CDH4: variants seen among roughly 807,000 people sequenced by gnomAD.
The protein encoded by CDH4 is cadherin-4.
A neutral mutation model predicts 86.0 loss-of-function variants in CDH4; 33 were observed. The ratio of observed to expected loss-of-function variants is 0.38; its 90% CI spans 0.29 to 0.51. The LOEUF is 0.51. Ranked by LOEUF, CDH4 falls within the 20% of genes least tolerant of loss-of-function variation. CDH4 has a pLI of 0.86. For synonymous variants in CDH4, 555 were observed against 549.4 expected, an observed-to-expected ratio of 1.01 and a Z score of -0.14; for missense variants, 1,114 against 1,307.4, an observed-to-expected ratio of 0.85 and a Z score of 2.28.
intron 4 of CDH4, among the ~76,000 whole-genome samples, chr20:61,814,414 C>T (rs1980608794): frequency 6.6e-6 from 1 of 152,214 alleles, no homozygotes; most frequent in Non-Finnish European, 1.5e-5. Context: ...TGCCCAGGAG[C>T]TTGGCAGCAT....
chr20:61,636,076 C>A (rs962085790), intron 2 of CDH4, among the ~76,000 whole-genome samples: 3 of 152,222 alleles, frequency 2.0e-5, no homozygotes, highest in Admixed American at 6.5e-5. Context: ...GCTCCACACG[C>A]GTGGGGGTCC....
intron 2 of CDH4, among the ~76,000 whole-genome samples, chr20:61,410,439 GTCCATCCA>G (rs201597174): frequency 1.5e-4 from 12 of 79,700 alleles, no homozygotes; most frequent in African/African-American, 3.1e-4. Context: ...CCTCCCACTG[GTCCATCCA>G]TCCATCCATC....
At chr20:61,762,357 G>C (rs2088644369) in intron 3 of CDH4, among the ~76,000 whole-genome samples, 1 of 152,212 alleles carries the variant, frequency 6.6e-6, no homozygotes, top group African/African-American at 2.4e-5. Context: ...CTCTCATGAT[G>C]ATTAACTTTC....
intron 2 of CDH4, among the ~76,000 whole-genome samples, chr20:61,724,880 G>C (rs1568779438): frequency 1.3e-5 from 2 of 152,188 alleles, no homozygotes; most frequent in Non-Finnish European, 2.9e-5. Flanking sequence ...GGAAGCTGAG[G>C]CAGGAGGATC....
chr20:61,313,486 C>T (rs938318954), intron 2 of CDH4, among the ~76,000 whole-genome samples: 3 of 152,302 alleles, frequency 2.0e-5, no homozygotes, highest in Admixed American at 2.0e-4. Context: ...TAAACAAACC[C>T]TGTCGGGAAG....
chr20:61,595,051 C>T (rs1019022907), intron 2 of CDH4, among the ~76,000 whole-genome samples: 3 of 152,238 alleles, frequency 2.0e-5, no homozygotes, highest in African/African-American at 4.8e-5. Context: ...GTCATTAGCT[C>T]GTGTTGCACA....
At chr20:61,653,333 C>T (rs2087145327) in intron 2 of CDH4, among the ~76,000 whole-genome samples, 1 of 136,950 alleles carries the variant, frequency 7.3e-6, no homozygotes, top group East Asian at 2.0e-4. Flanking sequence ...CCCATGTCTA[C>T]CTCTTTCTAC....
At chr20:61,256,442 A>G (rs2084098343) in intron 2 of CDH4, among the ~76,000 whole-genome samples, 1 of 152,228 alleles carries the variant, frequency 6.6e-6, no homozygotes, top group African/African-American at 2.4e-5. Context: ...TCTACAACGC[A>G]GCGTGAGATT....
chr20:61,628,306 C>T (rs148062345), intron 2 of CDH4, among the ~76,000 whole-genome samples: 2,643 of 152,120 alleles, frequency 0.017, 31 homozygotes, highest in Non-Finnish European at 0.027. Flanking sequence ...GCCGCCCCCA[C>T]CCCTCTGCAC....
At chr20:61,692,787 A>C (rs1365679019) in intron 2 of CDH4, among the ~76,000 whole-genome samples, 1 of 151,674 alleles carries the variant, frequency 6.6e-6, no homozygotes, top group Admixed American at 6.6e-5. Flanking sequence ...TTTAGATTCT[A>C]TTTTAATACT....
At chr20:61,883,905 G>C (rs1337139592) in intron 7 of CDH4, among the ~76,000 whole-genome samples, 1 of 152,200 alleles carries the variant, frequency 6.6e-6, no homozygotes, top group Non-Finnish European at 1.5e-5. Context: ...CAGACAGAGA[G>C]AGGGGGAAGC....
chr20:61,798,321 G>A (rs13433372), intron 4 of CDH4, among the ~76,000 whole-genome samples: 2,644 of 152,272 alleles, frequency 0.017, 34 homozygotes, highest in South Asian at 0.024. Context: ...GCCCCTCGCT[G>A]CGCCTCAGCC....
chr20:61,714,257 A>G (rs1229534819), intron 2 of CDH4, among the ~76,000 whole-genome samples: 5 of 151,976 alleles, frequency 3.3e-5, no homozygotes, highest in Non-Finnish European at 1.5e-5. Flanking sequence ...TGTGTTAGCC[A>G]GGATGGTCTC....
chr20:61,334,094 G>T (rs1254114643), intron 2 of CDH4, among the ~76,000 whole-genome samples: 1 of 152,196 alleles, frequency 6.6e-6, no homozygotes, highest in Non-Finnish European at 1.5e-5. Context: ...CCCCAAGAGG[G>T]CCTGGAATTG....
At chr20:61,775,463 ATAT>A (rs1203848344) in intron 4 of CDH4, among the ~76,000 whole-genome samples, 1 of 152,144 alleles carries the variant, frequency 6.6e-6, no homozygotes, top group Non-Finnish European at 1.5e-5. Flanking sequence ...CAGGTGGTAA[ATAT>A]TCTAGGCATT....
intron 2 of CDH4, among the ~76,000 whole-genome samples, chr20:61,724,525 CT>C (rs1355632758): frequency 6.6e-6 from 1 of 152,224 alleles, no homozygotes; most frequent in Non-Finnish European, 1.5e-5. Flanking sequence ...GCAGTGTTGG[CT>C]CTACCAAAAC....
chr20:61,562,315 T>C (rs7269583), intron 2 of CDH4, among the ~76,000 whole-genome samples: 5,561 of 45,822 alleles, frequency 0.12, 546 homozygotes, highest in African/African-American at 0.21. Flanking sequence ...GAGGGACCTC[T>C]GTGTGGAGAG....
intron 2 of CDH4, among the ~76,000 whole-genome samples, chr20:61,336,849 C>G (rs13040719): frequency 0.42 from 64,266 of 151,740 alleles, 13,515 homozygotes; most frequent in East Asian, 0.5. Context: ...TCTCTCTTCT[C>G]TTGAAACAAT....
chr20:61,854,239 C>A (rs954644320), intron 6 of CDH4, among the ~76,000 whole-genome samples: 8 of 152,164 alleles, frequency 5.3e-5, no homozygotes, highest in Non-Finnish European at 8.8e-5. Context: ...CCCCTGCAGG[C>A]CCCCAGAGAG....
Sources: allele counts gnomAD v4.1 joint callset (sites outside exome capture counted in the v4.1 genomes callset), GRCh38; gene constraint gnomAD v4.1.1; transcripts MANE v1.5; gene names NCBI Gene and HGNC (gene_info 2026-07-23, HGNC 2026-07-21).